Variants in PLCB4 observed in about 807,000 individuals in gnomAD.
PLCB4 encodes 1-phosphatidylinositol 4,5-bisphosphate phosphodiesterase beta-4.
In PLCB4, 77 loss-of-function variants were observed where a neutral mutation model predicts 178.8. The ratio of observed to expected loss-of-function variants is 0.43; its 90% CI spans 0.36 to 0.52. PLCB4 has a LOEUF of 0.52. PLCB4 is among the 20% of genes least tolerant of loss of function. The pLI is 0.00. For synonymous variants in PLCB4, 496 were observed against 490.8 expected (o/e 1.01, Z -0.14); for missense variants, 1,024 against 1,453.4 (o/e 0.70, Z 4.80).
intron 2 of PLCB4, among the ~76,000 whole-genome samples, chr20:9,148,873 A>G (rs928868762): frequency 1.3e-5 from 2 of 152,206 alleles, no homozygotes; most frequent in Non-Finnish European, 2.9e-5. Context: ...TTTAGACATC[A>G]GTTATTGAAC....
chr20:9,289,760 A>T lies in PLCB4; in HGVS notation c.-15-18040A>T, dbSNP rs1163187556. ...AGGGTGTTCGGTCAAAAGGTTTGTT[A>T]AGTTCTATTAATAGTTCTACCATAT... On this transcript the variant is annotated intron_variant, in intron 3 of 39. Transcript: ENST00000378473. 2.6e-5 allele frequency among the ~76,000 whole-genome samples: 4 copies of T among 152,082 alleles called. No homozygotes were observed. In the East Asian group the frequency reaches 5.8e-4, roughly 22 times the overall value.
intron 3 of PLCB4, among the ~76,000 whole-genome samples, chr20:9,256,219 G>A (rs2094234238): frequency 6.6e-6 from 1 of 152,156 alleles, no homozygotes; most frequent in Non-Finnish European, 1.5e-5. Flanking sequence ...CAAGATCAGA[G>A]GTAGGCAGTC....
At chr20:9,122,240 A>G (rs6118498) in intron 2 of PLCB4, among the ~76,000 whole-genome samples, 71,230 of 151,960 alleles carry the variant, frequency 0.47, 17,364 homozygotes, top group Middle Eastern at 0.57. Context: ...CTGTTGTTTT[A>G]CCACACACAA....
chr20:9,333,966 G>A lies in PLCB4; in HGVS notation c.85-3160G>A, dbSNP rs1192769844. Among the ~76,000 whole-genome samples the A allele has an allele frequency of 2.6e-5, 4 of 152,162 alleles. No homozygotes were observed. The South Asian group carries it at 8.3e-4, about 32-fold the overall frequency. On this transcript the variant is annotated intron_variant, in intron 4 of 39. Coordinates refer to ENST00000378473, the MANE Select transcript of PLCB4 (RefSeq NM_001377142.1). ...GACATACTTATTTCAAGACATCCTA[G>A]TGGAGATGTCAAATAGCAAATATTT...
At chr20:9,104,660 G>A (rs932323195) in intron 2 of PLCB4, among the ~76,000 whole-genome samples, 1 of 151,912 alleles carries the variant, frequency 6.6e-6, no homozygotes, top group African/African-American at 2.4e-5. Context: ...TCCTTCTTTA[G>A]TATACCCTGC....
intron 2 of PLCB4, among the ~76,000 whole-genome samples, chr20:9,176,890 A>G (rs561075943): frequency 2.6e-5 from 4 of 152,068 alleles, no homozygotes; most frequent in Non-Finnish European, 2.9e-5. Flanking sequence ...AACTGCCACA[A>G]TTTTGGGGCT....
chr20:9,242,925 G>T (rs916162704), intron 3 of PLCB4, among the ~76,000 whole-genome samples: 1 of 152,238 alleles, frequency 6.6e-6, no homozygotes, highest in South Asian at 2.1e-4. Flanking sequence ...GTTCTGTGTG[G>T]TATTGATGGG....
intron 2 of PLCB4, among the ~76,000 whole-genome samples, chr20:9,138,061 G>A (rs549212841): frequency 6.6e-6 from 1 of 152,106 alleles, no homozygotes. Context: ...AGGCAGAGAG[G>A]TTAGTGAATG....
At chr20:9,228,452 G>T (rs567659969) in intron 3 of PLCB4, among the ~76,000 whole-genome samples, 8 of 152,180 alleles carry the variant, frequency 5.3e-5, no homozygotes, top group African/African-American at 1.9e-4. Flanking sequence ...TTTTGTCTGT[G>T]GATCCTTAGC....
intron 3 of PLCB4, among the ~76,000 whole-genome samples, chr20:9,243,218 A>G (rs1340365589): frequency 1.3e-5 from 2 of 152,182 alleles, no homozygotes; most frequent in Non-Finnish European, 2.9e-5. Context: ...AATAGAATAG[A>G]AATTCTAGAG....
At chr20:9,417,236 A>G (rs2040312778) in intron 25 of PLCB4, among the ~76,000 whole-genome samples, 1 of 151,886 alleles carries the variant, frequency 6.6e-6, no homozygotes, top group South Asian at 2.1e-4. Flanking sequence ...AAGTTTTTTG[A>G]CACAAGTTTC....
At chr20:9,475,912 T>G (rs2044510136) in intron 38 of PLCB4, among the ~76,000 whole-genome samples, 2 of 152,218 alleles carry the variant, frequency 1.3e-5, no homozygotes, top group Non-Finnish European at 2.9e-5. Flanking sequence ...GTTCTTTGTC[T>G]CCAGACAATG....
chr20:9,126,224 CATT>C (rs1471949386), intron 2 of PLCB4, among the ~76,000 whole-genome samples: 2 of 151,982 alleles, frequency 1.3e-5, no homozygotes. Context: ...ATATTGTAAA[CATT>C]GTTTACTTTT....
intron 28 of PLCB4, among the ~76,000 whole-genome samples, chr20:9,433,085 G>C (rs2041537230): frequency 6.6e-6 from 1 of 152,052 alleles, no homozygotes; most frequent in South Asian, 2.1e-4. Flanking sequence ...GGGAGCCAAA[G>C]TATTGCCATG....
Position 9,382,262 on chromosome 20 carries a change from C to A in PLCB4, c.854-1939C>A, listed in dbSNP as rs183685250. On this transcript the variant is annotated intron_variant, in intron 13 of 39. Transcript: ENST00000378473. Reference sequence around the variant, plus strand: ...TCACTTCTCACCATCTCCAACATTACTGACTATCCAAACCTTCATCATCCC... The same window carrying A: ...TCACTTCTCACCATCTCCAACATTAATGACTATCCAAACCTTCATCATCCC... Among the ~76,000 whole-genome samples, 283 of 152,312 alleles carry A rather than the reference C, an allele frequency of 1.9e-3. 1 individual carries two copies. The highest frequency in any genetic ancestry group is 3.0e-3 in the Non-Finnish European group (202 of 68,028).
chr20:9,093,119 G>A (rs2090756116), intron 1 of PLCB4, among the ~76,000 whole-genome samples: 2 of 152,196 alleles, frequency 1.3e-5, no homozygotes, highest in African/African-American at 2.4e-5. Flanking sequence ...AATGCATAAG[G>A]CCTTAGGATA....
intron 2 of PLCB4, among the ~76,000 whole-genome samples, chr20:9,175,067 A>G (rs1001728813): frequency 1.3e-5 from 2 of 152,192 alleles, no homozygotes; most frequent in African/African-American, 4.8e-5. Flanking sequence ...ATAGGTCCAG[A>G]AGACCGGGTA....
intron 6 of PLCB4, 84 bp downstream of exon 6, chr20:9,338,151 C>T (rs1284004143): frequency 2.3e-6 from 2 of 866,760 alleles, no homozygotes; most frequent in South Asian, 1.4e-5. Context: ...AAAAAACTCA[C>T]TCTTTGTATC....
At chr20:9,408,199 C>G in intron 22 of PLCB4, 141 bp downstream of exon 22, 1 of 702,692 alleles carries the variant, frequency 1.4e-6, no homozygotes, top group East Asian at 2.5e-5. Flanking sequence ...TTTCACAGAC[C>G]ATAGAAGCCA....
Sources: gnomAD v4.1 joint callset for allele counts (sites outside exome capture counted in the v4.1 genomes callset) on GRCh38, gnomAD v4.1.1 for gene constraint, MANE v1.5 for transcripts, NCBI Gene and HGNC (gene_info 2026-07-23, HGNC 2026-07-21) for gene names.